Variants in MRC1 observed in about 807,000 individuals in gnomAD.
The protein encoded by MRC1 is mannose receptor C-type 1, also known as macrophage mannose receptor 1.
Under a neutral mutation model 102.9 loss-of-function variants are expected in MRC1, and 62 were observed. That is an observed-to-expected ratio of 0.60 (90% confidence interval 0.49 to 0.74). MRC1 has a LOEUF of 0.74. MRC1 is among the 30% of genes least tolerant of loss of function. The pLI is 0.00. For synonymous variants in MRC1, 457 were observed against 298.4 expected (o/e 1.53, Z -5.48); for missense variants, 1,237 against 862.8 (o/e 1.43, Z -5.43).
chr10:17,879,712 CT>C lies in MRC1; in HGVS notation c.2619-5del. 1 of 780,810 alleles carries C rather than the reference CT, an allele frequency of 1.3e-6. No homozygotes were observed. Among genetic ancestry groups the C allele is most frequent in the Non-Finnish European group, 2.4e-6 (1 of 417,962 alleles). 48.4% of individuals were successfully genotyped at this position (780,810 alleles called of 1,614,324 possible). A position where few individuals can be genotyped will look rare whatever the true frequency, so the allele number is the denominator to read the frequency against. On this transcript the variant is annotated splice_polypyrimidine_tract_variant and splice_region_variant and intron_variant, in intron 18 of 29. Coordinates refer to ENST00000569591, the MANE Select transcript of MRC1 (RefSeq NM_002438.4). The stretch of plus-strand genomic sequence containing the variant: ...GATCGTTTCAAAATGCCTGAATTTT[CT>C]TTTCCAGTTGGATGGATGGAAGCAA...
chr10:17,863,208 G>T (rs1034383710), intron 10 of MRC1, among the ~76,000 whole-genome samples: 1 of 152,100 alleles, frequency 6.6e-6, no homozygotes, highest in Admixed American at 6.6e-5. Context: ...ATTTTAAAAT[G>T]CATTAGTTTT....
intron 28 of MRC1, 119 bp from the exon 29 acceptor site, chr10:17,909,187 A>G (rs1218774750): frequency 2.9e-6 from 2 of 699,214 alleles, no homozygotes; most frequent in African/African-American, 1.8e-5. Flanking sequence ...TCATAATATC[A>G]TATATCAATC....
chr10:17,850,873 C>T (rs1420949097), intron 7 of MRC1, among the ~76,000 whole-genome samples: 1 of 152,144 alleles, frequency 6.6e-6, no homozygotes, highest in Admixed American at 6.5e-5. Context: ...CTAGCACCTG[C>T]CAAATGGTAT....
At chr10:17,898,582 G>A (rs1833786696) in intron 24 of MRC1, among the ~76,000 whole-genome samples, 1 of 152,200 alleles carries the variant, frequency 6.6e-6, no homozygotes, top group Non-Finnish European at 1.5e-5. Flanking sequence ...CCAAGGTCAT[G>A]ATTGTAACTA....
intron 18 of MRC1, 55 bp downstream of exon 18, chr10:17,878,022 C>T (rs1037757319): frequency 2.4e-6 from 2 of 847,354 alleles, no homozygotes; most frequent in East Asian, 4.9e-5. Flanking sequence ...TGACCAATAC[C>T]TATGAGTTAT....
chr10:17,882,620 C>G (rs1417918155), intron 21 of MRC1, among the ~76,000 whole-genome samples: 1 of 152,046 alleles, frequency 6.6e-6, no homozygotes, highest in African/African-American at 2.4e-5. Flanking sequence ...GTAGGGTGCT[C>G]TCTCAAAAGT....
At position 17,827,523 on chromosome 10, in the gene MRC1, A is replaced by T. The variant is rs1167655402; in HGVS notation, c.464-19A>T. 17 of 780,778 alleles carry T rather than the reference A, an allele frequency of 2.2e-5. No homozygotes were observed. Among genetic ancestry groups the T allele is most frequent in the Non-Finnish European group, 3.6e-5 (15 of 417,954 alleles). The allele number at this position is 780,778 out of a possible 1,614,324, so 48.4% of individuals were successfully genotyped here. ...AAATATCACTCACATTCCAAGTTCA[A>T]GTCAATATGTTTTTCCAGCCATGTA... On this transcript the variant is annotated intron_variant, in intron 2 of 29. Coordinates refer to ENST00000569591, the MANE Select transcript of MRC1 (RefSeq NM_002438.4).
At chr10:17,841,022 G>T (rs1838741779) in intron 5 of MRC1, among the ~76,000 whole-genome samples, 1 of 152,206 alleles carries the variant, frequency 6.6e-6, no homozygotes. Context: ...TGTCTGCCAG[G>T]ATTCTCACAC....
intron 20 of MRC1, 123 bp from the exon 21 acceptor site, chr10:17,880,944 G>T: frequency 2.8e-6 from 2 of 725,854 alleles, no homozygotes; most frequent in South Asian, 1.5e-5. Flanking sequence ...CCAGTTGGTG[G>T]TGAGAAAATT....
intron 5 of MRC1, among the ~76,000 whole-genome samples, chr10:17,842,043 A>G (rs1838760123): frequency 6.6e-6 from 1 of 152,266 alleles, no homozygotes; most frequent in African/African-American, 2.4e-5. Context: ...GCTCACTGCA[A>G]CCTCAGCCTT....
At chr10:17,892,525 G>C (rs1833693995) in intron 22 of MRC1, among the ~76,000 whole-genome samples, 1 of 152,148 alleles carries the variant, frequency 6.6e-6, no homozygotes. Context: ...AGTTGTTGAT[G>C]TTCAGCTTTT....
intron 1 of MRC1, among the ~76,000 whole-genome samples, chr10:17,812,608 G>C (rs1049933530): frequency 8.5e-6 from 1 of 118,006 alleles, no homozygotes; most frequent in Non-Finnish European, 1.6e-5. Flanking sequence ...GTCTCTCTCT[G>C]TCACCCAGCC....
rs1248935377 is a variant in MRC1, at chr10:17,827,288, G to C, written c.464-254G>C. Among the ~76,000 whole-genome samples, 4 of 145,350 alleles carry C rather than the reference G, an allele frequency of 2.8e-5. 1 individual carries two copies. In the South Asian group the frequency reaches 9.0e-4, roughly 33 times the overall value. On this transcript the variant is annotated intron_variant, in intron 2 of 29. Transcript: ENST00000569591. ...TCCCAAAACGCAGTGGAAATGAAGT[G>C]GTACTAAGAGTTATTTGCTAAGTAC... is the stretch of plus-strand genomic sequence containing the variant.
rs1426943007 is a variant in MRC1 at position 17,872,066 on chromosome 10, A to G, written c.2284A>G (p.Met762Val). The change falls in exon 15 of 30, where the codon ATG becomes GTG. Residue 762 changes from methionine (M) to valine (V), a missense_variant. Physicochemically the swap from Met to Val is conservative, Grantham distance 21. Coordinates refer to ENST00000569591, the MANE Select transcript of MRC1 (RefSeq NM_002438.4). ...YCGELKGDPT[M>V]SWNDINCEHL... ...TGGTGAGCTGAAAGGTGACCCTACT[A>G]TGTCTTGGAATGATATTAATTGTGA... is the stretch of plus-strand genomic sequence containing the variant. 17 of 780,536 alleles carry G rather than the reference A, an allele frequency of 2.2e-5. No homozygotes were observed. Among genetic ancestry groups the G allele is most frequent in the South Asian group, 4.0e-5 (3 of 74,616 alleles). The allele number at this position is 780,536 out of a possible 1,614,324, so 48.4% of individuals were successfully genotyped here.
At chr10:17,885,506 T>TAGTA in intron 22 of MRC1, 71 bp downstream of exon 22, 1 of 759,504 alleles carries the variant, frequency 1.3e-6, no homozygotes, top group Non-Finnish European at 2.5e-6. Flanking sequence ...TATTGATTAC[T>TAGTA]GTTCCATGAA....
At chr10:17,904,900 C>T (rs996295407) in intron 26 of MRC1, among the ~76,000 whole-genome samples, 11 of 152,154 alleles carry the variant, frequency 7.2e-5, no homozygotes, top group Non-Finnish European at 1.3e-4. Context: ...CTAGCTTTTC[C>T]TTTTAAGTTT....
intron 12 of MRC1, among the ~76,000 whole-genome samples, chr10:17,869,669 G>A (rs1048074520): frequency 0.17 from 25,691 of 152,050 alleles, 2,466 homozygotes; most frequent in East Asian, 0.25. Context: ...CTGCCAGATG[G>A]TTGTCTGTGT....
chr10:17,861,918 C>T (rs1424742350), intron 10 of MRC1, among the ~76,000 whole-genome samples: 2 of 152,280 alleles, frequency 1.3e-5, no homozygotes, highest in African/African-American at 4.8e-5. Context: ...TTCCAGTCTT[C>T]CATTCTTTGC....
chr10:17,810,561 C>G (rs899879515), intron 1 of MRC1, among the ~76,000 whole-genome samples: 1 of 152,128 alleles, frequency 6.6e-6, no homozygotes, highest in Non-Finnish European at 1.5e-5. Flanking sequence ...ACTAGCTTTG[C>G]GACCTTGGGC....
Sources: allele counts gnomAD v4.1 joint callset (sites outside exome capture counted in the v4.1 genomes callset), GRCh38; gene constraint gnomAD v4.1.1; transcripts MANE v1.5; gene names NCBI Gene and HGNC (gene_info 2026-07-23, HGNC 2026-07-21).